TC2N: variants seen among roughly 807,000 people sequenced by gnomAD.
TC2N encodes tandem C2 domains, nuclear.
In TC2N, 51 loss-of-function variants were observed where a neutral mutation model predicts 61.9. The observed-to-expected ratio is 0.82, with a 90% CI of 0.66 to 1.04. TC2N has a LOEUF of 1.04. TC2N is among the 50% of genes least tolerant of loss of function. The probability of loss-of-function intolerance (pLI) is 0.00; values close to 1 mark genes in which losing one functional copy is unlikely to be tolerated. For missense variants in TC2N, 556 were observed against 566.7 expected, an observed-to-expected ratio of 0.98 and a Z score of 0.19; for synonymous variants, 204 against 192.6, an observed-to-expected ratio of 1.06 and a Z score of -0.49.
At chr14:91,818,809 T>C (rs1433194985) in intron 1 of TC2N, among the ~76,000 whole-genome samples, 6 of 152,076 alleles carry the variant, frequency 3.9e-5, no homozygotes, top group Non-Finnish European at 5.9e-5. Flanking sequence ...CTTGAAGGCA[T>C]AGTAAGATAA....
chr14:91,803,836 A>C (rs576305231), intron 3 of TC2N, among the ~76,000 whole-genome samples: 5 of 152,352 alleles, frequency 3.3e-5, no homozygotes, highest in African/African-American at 1.2e-4. Flanking sequence ...AAGGTAACCC[A>C]CAGAGTGAAA....
chr14:91,842,222 C>G (rs1004274017), intron 1 of TC2N, among the ~76,000 whole-genome samples: 1 of 152,084 alleles, frequency 6.6e-6, no homozygotes, highest in African/African-American at 2.4e-5. Flanking sequence ...TGGGTTCAAG[C>G]CATCTGCCCA....
At chr14:91,850,830 CTG>C (rs1888360968) in intron 1 of TC2N, among the ~76,000 whole-genome samples, 1 of 152,158 alleles carries the variant, frequency 6.6e-6, no homozygotes, top group South Asian at 2.1e-4. Flanking sequence ...ACTCAGGAGT[CTG>C]AGAGAGGAGA....
intron 1 of TC2N, among the ~76,000 whole-genome samples, chr14:91,854,508 T>TGGAGGA (rs111798033): frequency 1.1e-5 from 1 of 95,070 alleles, no homozygotes; most frequent in Non-Finnish European, 2.1e-5. Context: ...GAGAAGGAGG[T>TGGAGGA]GGAGGAGGAG....
chr14:91,823,072 A>G (rs1286041499), intron 1 of TC2N, among the ~76,000 whole-genome samples: 2 of 152,222 alleles, frequency 1.3e-5, no homozygotes, highest in Admixed American at 6.5e-5. Flanking sequence ...ACATGAAAAC[A>G]TGAAAACATC....
intron 1 of TC2N, among the ~76,000 whole-genome samples, chr14:91,827,296 C>G (rs977413037): frequency 6.6e-6 from 1 of 152,172 alleles, no homozygotes; most frequent in African/African-American, 2.4e-5. Context: ...TCTTACAGTT[C>G]TGGAAGTTTG....
intron 8 of TC2N, 88 bp from the exon 9 acceptor site, chr14:91,792,646 AG>A (rs1424772085): frequency 1.7e-6 from 1 of 589,448 alleles, no homozygotes; most frequent in Admixed American, 3.6e-5. Flanking sequence ...TATTTAGGAA[AG>A]GTATATTCAA....
intron 1 of TC2N, among the ~76,000 whole-genome samples, chr14:91,863,536 G>A (rs1447301467): frequency 1.3e-5 from 2 of 152,140 alleles, no homozygotes; most frequent in Non-Finnish European, 2.9e-5. Flanking sequence ...CTTGAAGTGG[G>A]GGGCTTACAA....
intron 1 of TC2N, among the ~76,000 whole-genome samples, chr14:91,847,259 G>GAAA (rs34551265): frequency 0.083 from 10,471 of 126,836 alleles, 771 homozygotes; most frequent in African/African-American, 0.21. Flanking sequence ...CTCCATCTCA[G>GAAA]AAAAAAAAAA....
intron 5 of TC2N, 74 bp downstream of exon 5, chr14:91,800,207 T>C: frequency 1.2e-6 from 1 of 829,730 alleles, no homozygotes; most frequent in Non-Finnish European, 1.9e-6. Context: ...ATTCCTAATG[T>C]AATTCATACA....
chr14:91,823,890 AAACAAC>A (rs200435387), intron 1 of TC2N, among the ~76,000 whole-genome samples: 1 of 152,162 alleles, frequency 6.6e-6, no homozygotes, highest in Admixed American at 6.5e-5. Context: ...ATCAATTAAA[AAACAAC>A]AACAACAACA....
At position 91,842,729 on chromosome 14, in the gene TC2N, C is replaced by T. The variant is rs138760813; in HGVS notation, c.-57+24533G>A. ...TAGGAGAGTTGGGAGGAATATTGAG[C>T]GTTAGCGTTGAGATATGATAGCTAC... On this transcript the variant is annotated intron_variant, in intron 1 of 11. Transcript: ENST00000435962. Among the ~76,000 whole-genome samples the T allele has an allele frequency of 9.3e-3, 1,410 of 152,188 alleles. 29 individuals are homozygous for T. Among genetic ancestry groups the T allele is most frequent in the African/African-American group, 0.033 (1,356 of 41,518 alleles).
intron 1 of TC2N, among the ~76,000 whole-genome samples, chr14:91,830,681 A>G (rs10083402): frequency 0.45 from 68,494 of 151,952 alleles, 17,179 homozygotes; most frequent in Non-Finnish European, 0.55. Context: ...TGAATTGTAC[A>G]TTTTAAAGGG....
intron 7 of TC2N, among the ~76,000 whole-genome samples, 157 bp downstream of exon 7, chr14:91,798,142 A>C (rs1383937587): frequency 6.6e-6 from 1 of 151,932 alleles, no homozygotes; most frequent in African/African-American, 2.4e-5. Flanking sequence ...TTTTTCTTAG[A>C]TGCCTTATTA....
At chr14:91,855,756 G>T (rs888221820) in intron 1 of TC2N, among the ~76,000 whole-genome samples, 3 of 152,208 alleles carry the variant, frequency 2.0e-5, no homozygotes, top group African/African-American at 7.2e-5. Flanking sequence ...GGGCCAACTG[G>T]CAAGGGACGA....
Position 91,800,376 on chromosome 14 carries a change from C to T in TC2N, c.470-4G>A. 1 of 1,545,560 alleles carries T rather than the reference C, an allele frequency of 6.5e-7. No individual in the cohort carries two copies. The highest frequency in any genetic ancestry group is 8.9e-7 in the Non-Finnish European group (1 of 1,126,874). On this transcript the variant is annotated splice_polypyrimidine_tract_variant and splice_region_variant and intron_variant, in intron 4 of 11. Coordinates refer to ENST00000435962, the MANE Select transcript of TC2N (RefSeq NM_001128596.3). Reference sequence around the variant, plus strand: ...TTGTTCGTCCTTAAATCACAAACTACAAAGGGATATGAGAAAAGTATATAT... The same window carrying T: ...TTGTTCGTCCTTAAATCACAAACTATAAAGGGATATGAGAAAAGTATATAT...
At chr14:91,859,888 T>C (rs1888556972) in intron 1 of TC2N, among the ~76,000 whole-genome samples, 1 of 152,188 alleles carries the variant, frequency 6.6e-6, no homozygotes, top group Admixed American at 6.5e-5. Flanking sequence ...GATGTGTTTG[T>C]TTCTCCAAGA....
At chr14:91,828,971 G>T (rs1887623728) in intron 1 of TC2N, among the ~76,000 whole-genome samples, 1 of 150,434 alleles carries the variant, frequency 6.6e-6, no homozygotes, top group Non-Finnish European at 1.5e-5. Flanking sequence ...TTTTCTTTAA[G>T]ACAAAAATAT....
At chr14:91,821,520 T>C (rs2139878325) in intron 1 of TC2N, among the ~76,000 whole-genome samples, 1 of 152,042 alleles carries the variant, frequency 6.6e-6, no homozygotes, top group East Asian at 1.9e-4. Context: ...TATGCACCTA[T>C]ATGTAAGAGT....
Sources: allele counts gnomAD v4.1 joint callset (sites outside exome capture counted in the v4.1 genomes callset), GRCh38; gene constraint gnomAD v4.1.1; transcripts MANE v1.5; gene names NCBI Gene and HGNC (gene_info 2026-07-23, HGNC 2026-07-21).